The following STK32B variants were observed in gnomAD, a reference collection of about 807,000 sequenced individuals.
STK32B encodes the protein serine/threonine kinase 32B.
STK32B carries 43 observed loss-of-function variants against 52.6 expected under a neutral mutation model. That is an observed-to-expected ratio of 0.82 (90% confidence interval 0.64 to 1.05). The LOEUF (loss-of-function observed/expected upper bound fraction) is 1.05, where lower values mean the gene tolerates loss of function less well. STK32B is among the 50% of genes least tolerant of loss of function. The pLI is 0.00. For missense variants in STK32B, 621 were observed against 534.6 expected (o/e 1.16, Z -1.59); for synonymous variants, 238 against 204.3 (o/e 1.17, Z -1.41).
At chr4:5,247,006 G>T (rs1725503668) in intron 3 of STK32B, among the ~76,000 whole-genome samples, 1 of 152,152 alleles carries the variant, frequency 6.6e-6, no homozygotes, top group African/African-American at 2.4e-5. Flanking sequence ...TCCCTGTTAG[G>T]CTCCTTAGTG....
intron 3 of STK32B, among the ~76,000 whole-genome samples, chr4:5,321,176 G>A (rs895505941): frequency 2.0e-5 from 3 of 152,080 alleles, no homozygotes; most frequent in Non-Finnish European, 4.4e-5. Context: ...CTCTAAAATA[G>A]CCATAATAAT....
chr4:5,220,858 T>A (rs1723485028), intron 3 of STK32B, among the ~76,000 whole-genome samples: 1 of 152,086 alleles, frequency 6.6e-6, no homozygotes, highest in Non-Finnish European at 1.5e-5. Context: ...ATGAGGAGAA[T>A]CATTTTCTCC....
intron 3 of STK32B, among the ~76,000 whole-genome samples, chr4:5,224,251 C>T (rs926988339): frequency 2.0e-5 from 3 of 152,146 alleles, no homozygotes; most frequent in Non-Finnish European, 2.9e-5. Flanking sequence ...TTCCAAAATT[C>T]AGGTGTTGTG....
At position 5,469,920 on chromosome 4, in the gene STK32B, T is replaced by C. The variant is rs570387156; in HGVS notation, c.1106+1850T>C. ...GACTTAGAAACCCAGACCCAGGAAC[T>C]TCTGCTCAAAGAGCATCAGTGATCT... On this transcript the variant is annotated intron_variant, in intron 11 of 11. Coordinates refer to ENST00000282908, the MANE Select transcript of STK32B (RefSeq NM_018401.3). This position sits in a 1 kb window ranked among gnomAD's most constrained non-coding sequence, Gnocchi z 4.7. Among the ~76,000 whole-genome samples the C allele has an allele frequency of 5.9e-5, 9 of 152,284 alleles. 1 individual carries two copies. The highest frequency in any genetic ancestry group is 1.9e-4 in the African/African-American group (8 of 41,570).
chr4:5,136,466 G>C (rs1168013155), intron 1 of STK32B, among the ~76,000 whole-genome samples: 1 of 152,176 alleles, frequency 6.6e-6, no homozygotes, highest in East Asian at 1.9e-4. Flanking sequence ...AGCCCAAGCA[G>C]TGCTTGTGGC....
chr4:5,185,034 TCTC>T (rs1156690993), intron 3 of STK32B, among the ~76,000 whole-genome samples: 2 of 152,116 alleles, frequency 1.3e-5, no homozygotes, highest in Non-Finnish European at 2.9e-5. Flanking sequence ...GTTCTCTCCT[TCTC>T]CTCCAGCGTC....
chr4:5,317,457 AATAT>A (rs1302147868), intron 3 of STK32B, among the ~76,000 whole-genome samples: 2 of 102,376 alleles, frequency 2.0e-5, no homozygotes, highest in Non-Finnish European at 3.3e-5. Context: ...TAATATATAT[AATAT>A]ATATGTATAA....
At chr4:5,232,369 G>A (rs1367099287) in intron 3 of STK32B, among the ~76,000 whole-genome samples, 1 of 152,178 alleles carries the variant, frequency 6.6e-6, no homozygotes, top group Non-Finnish European at 1.5e-5. Flanking sequence ...ACTATAATGT[G>A]ATAATGAAAA....
At chr4:5,322,884 G>C (rs1305253141) in intron 3 of STK32B, among the ~76,000 whole-genome samples, 3 of 152,212 alleles carry the variant, frequency 2.0e-5, no homozygotes, top group African/African-American at 4.8e-5. Flanking sequence ...TGTATTTCAT[G>C]TGTTATCAGC....
At chr4:5,329,362 G>A (rs929591490) in intron 3 of STK32B, among the ~76,000 whole-genome samples, 1 of 152,190 alleles carries the variant, frequency 6.6e-6, no homozygotes, top group Non-Finnish European at 1.5e-5. Context: ...TCCGCTGTTT[G>A]TGCAGGTTGT....
chr4:5,195,284 A>C (rs1721551202), intron 3 of STK32B, among the ~76,000 whole-genome samples: 2 of 152,154 alleles, frequency 1.3e-5, no homozygotes, highest in Non-Finnish European at 2.9e-5. Flanking sequence ...CTCACATAGA[A>C]GTAAGGAAAT....
intron 3 of STK32B, among the ~76,000 whole-genome samples, chr4:5,171,323 TTG>T (rs1321608420): frequency 1.4e-4 from 21 of 152,070 alleles, no homozygotes; most frequent in Admixed American, 2.0e-4. Flanking sequence ...GAGATCCCAT[TTG>T]TCAATTTTGG....
chr4:5,389,053 A>G (rs1484397662), intron 4 of STK32B, among the ~76,000 whole-genome samples: 5 of 152,234 alleles, frequency 3.3e-5, no homozygotes, highest in Non-Finnish European at 2.9e-5. Context: ...TTTCTCTCCC[A>G]AAGGACAAAG....
At chr4:5,497,002 A>G (rs774726232) in intron 11 of STK32B, among the ~76,000 whole-genome samples, 1 of 152,204 alleles carries the variant, frequency 6.6e-6, no homozygotes, top group South Asian at 2.1e-4. Context: ...AAGAGTTTCA[A>G]CTAGTTTTAA....
chr4:5,067,536 A>G (rs141676281), intron 1 of STK32B, among the ~76,000 whole-genome samples: 3 of 152,334 alleles, frequency 2.0e-5, no homozygotes, highest in African/African-American at 4.8e-5. Flanking sequence ...GTTCCTTCCC[A>G]GTATCTAAAG....
chr4:5,210,409 C>T (rs953016657), intron 3 of STK32B, among the ~76,000 whole-genome samples: 4 of 152,172 alleles, frequency 2.6e-5, no homozygotes, highest in African/African-American at 9.7e-5. Context: ...CCTTTTCGTC[C>T]ATCCATCTCT....
intron 3 of STK32B, among the ~76,000 whole-genome samples, chr4:5,192,666 T>C (rs563766566): frequency 2.5e-4 from 38 of 152,326 alleles, no homozygotes; most frequent in Admixed American, 2.0e-3. Flanking sequence ...CACTATGAAA[T>C]GATTACCACA....
intron 3 of STK32B, among the ~76,000 whole-genome samples, chr4:5,174,312 A>G (rs2108744607): frequency 6.6e-6 from 1 of 152,162 alleles, no homozygotes; most frequent in South Asian, 2.1e-4. Flanking sequence ...TTTAAGGTTA[A>G]TATTGTTATG....
At chr4:5,375,445 C>G (rs936962318) in intron 4 of STK32B, among the ~76,000 whole-genome samples, 4 of 152,166 alleles carry the variant, frequency 2.6e-5, no homozygotes, top group Non-Finnish European at 5.9e-5. Flanking sequence ...TTTTCCATCT[C>G]TGGGACTTTT....
Sources: allele counts gnomAD v4.1 joint callset (sites outside exome capture counted in the v4.1 genomes callset), GRCh38; gene constraint gnomAD v4.1.1; non-coding constraint Gnocchi (gnomAD v3.1); transcripts MANE v1.5; gene names NCBI Gene and HGNC (gene_info 2026-07-23, HGNC 2026-07-21).